ADAMTSL1: variants seen among roughly 807,000 people sequenced by gnomAD.
ADAMTSL1 encodes ADAMTS-like protein 1.
Under a neutral mutation model 201.8 loss-of-function variants are expected in ADAMTSL1, and 126 were observed. The observed-to-expected ratio is 0.62, with a 90% CI of 0.54 to 0.72. The LOEUF is 0.72. Ranked by LOEUF, ADAMTSL1 falls within the 30% of genes least tolerant of loss-of-function variation. ADAMTSL1 has a pLI of 0.00. For synonymous variants in ADAMTSL1, 1,121 were observed against 903.4 expected (o/e 1.24, Z -4.32); for missense variants, 2,679 against 2,277.8 (o/e 1.18, Z -3.59).
At chr9:18,810,413 G>A (rs1823428941) in intron 20 of ADAMTSL1, among the ~76,000 whole-genome samples, 1 of 152,072 alleles carries the variant, frequency 6.6e-6, no homozygotes, top group African/African-American at 2.4e-5. Flanking sequence ...TGAGGCTGTG[G>A]GACGGTACAA....
At chr9:17,925,970 C>G (rs1826510764) in intron 1 of ADAMTSL1, among the ~76,000 whole-genome samples, 1 of 152,072 alleles carries the variant, frequency 6.6e-6, no homozygotes, top group Non-Finnish European at 1.5e-5. Flanking sequence ...ATTGTTGCTA[C>G]ATTCTTGGAG....
At chr9:18,181,873 A>C (rs1375497338) in intron 2 of ADAMTSL1, among the ~76,000 whole-genome samples, 1 of 152,170 alleles carries the variant, frequency 6.6e-6, no homozygotes, top group Non-Finnish European at 1.5e-5. Flanking sequence ...AATAGCAAAG[A>C]CTTGGAGCCA....
At chr9:18,839,447 G>C (rs1310918742) in intron 23 of ADAMTSL1, among the ~76,000 whole-genome samples, 1 of 152,096 alleles carries the variant, frequency 6.6e-6, no homozygotes, top group Non-Finnish European at 1.5e-5. Context: ...TGGACATGTG[G>C]CTTGGTTCCA....
At chr9:18,273,208 T>C (rs1244883522) in intron 2 of ADAMTSL1, among the ~76,000 whole-genome samples, 3 of 152,176 alleles carry the variant, frequency 2.0e-5, no homozygotes, top group Non-Finnish European at 4.4e-5. Context: ...GCCTCCCAAG[T>C]AGCAGGGACT....
chr9:18,605,898 A>C (rs2132568706), intron 4 of ADAMTSL1, among the ~76,000 whole-genome samples: 1 of 152,298 alleles, frequency 6.6e-6, no homozygotes, highest in Admixed American at 6.5e-5. Flanking sequence ...GGGTGGTGGA[A>C]GCAGAGGTAG....
At chr9:18,812,161 AC>A (rs1823544974) in intron 20 of ADAMTSL1, among the ~76,000 whole-genome samples, 1 of 152,218 alleles carries the variant, frequency 6.6e-6, no homozygotes, top group African/African-American at 2.4e-5. Flanking sequence ...TAATCAGCCA[AC>A]CTAATTTCAG....
At chr9:18,477,151 T>G (rs1012484451) in intron 1 of ADAMTSL1, among the ~76,000 whole-genome samples, 4 of 152,224 alleles carry the variant, frequency 2.6e-5, no homozygotes, top group African/African-American at 9.6e-5. Context: ...TTGTCCCAAT[T>G]GTTTAGCTCA....
At chr9:18,095,175 C>T (rs1824191411) in intron 1 of ADAMTSL1, among the ~76,000 whole-genome samples, 1 of 151,972 alleles carries the variant, frequency 6.6e-6, no homozygotes. Flanking sequence ...AACAAGATGC[C>T]CAGGGGAAGT....
At chr9:18,697,105 A>G (rs1831606940) in intron 13 of ADAMTSL1, among the ~76,000 whole-genome samples, 1 of 151,562 alleles carries the variant, frequency 6.6e-6, no homozygotes, top group Non-Finnish European at 1.5e-5. Flanking sequence ...GATGGTCTTC[A>G]TCTCTTGACC....
rs140653596 is a variant in ADAMTSL1 at position 18,658,652 on chromosome 9, AT to A, written c.946+906del. Among the ~76,000 whole-genome samples the A allele has an allele frequency of 7.8e-3, 1,195 of 152,262 alleles. 12 individuals are homozygous for A. The highest frequency in any genetic ancestry group is 0.028 in the African/African-American group (1,149 of 41,540). On this transcript the variant is annotated intron_variant, in intron 8 of 28. Coordinates refer to ENST00000380548, the MANE Select transcript of ADAMTSL1 (RefSeq NM_001040272.6). ...CCATCATATTTGTAACACGAACAGCATTTTGTGTTACTAGAAAAGGCTTTTG... is the reference window on the plus strand; with the variant it reads ...CCATCATATTTGTAACACGAACAGCATTTGTGTTACTAGAAAAGGCTTTTG...
chr9:18,377,100 T>C (rs1237613616), intron 2 of ADAMTSL1, among the ~76,000 whole-genome samples: 2 of 152,182 alleles, frequency 1.3e-5, no homozygotes, highest in African/African-American at 2.4e-5. Flanking sequence ...TTTATGAATA[T>C]AGACTGAGAA....
At chr9:18,804,219 T>C (rs1414179378) in intron 20 of ADAMTSL1, among the ~76,000 whole-genome samples, 2 of 152,174 alleles carry the variant, frequency 1.3e-5, no homozygotes, top group African/African-American at 4.8e-5. Context: ...AAATTGACTC[T>C]GTTGTATTTT....
chr9:18,857,030 C>A (rs1826900778), intron 23 of ADAMTSL1, among the ~76,000 whole-genome samples: 1 of 152,160 alleles, frequency 6.6e-6, no homozygotes, highest in Admixed American at 6.6e-5. Flanking sequence ...CCTGAGGTCT[C>A]AGTGGATAGA....
At chr9:18,826,201 C>G in intron 21 of ADAMTSL1, 83 bp from the exon 22 acceptor site, 1 of 1,509,774 alleles carries the variant, frequency 6.6e-7, no homozygotes, top group Non-Finnish European at 9.0e-7. Context: ...AAGGGGGATT[C>G]AAGAAGCTAT....
chr9:18,028,084 T>C (rs1373720884), intron 1 of ADAMTSL1, among the ~76,000 whole-genome samples: 2 of 152,142 alleles, frequency 1.3e-5, no homozygotes, highest in Non-Finnish European at 2.9e-5. Context: ...TCCTTTACTT[T>C]GAGCCTATGG....
chr9:18,056,176 CCTT>C (rs1445555762), intron 1 of ADAMTSL1, among the ~76,000 whole-genome samples: 1 of 150,872 alleles, frequency 6.6e-6, no homozygotes, highest in Non-Finnish European at 1.5e-5. Context: ...TTTCCTCTGC[CCTT>C]CTCCTCAAAT....
chr9:18,025,165 T>C (rs78683738), intron 1 of ADAMTSL1, among the ~76,000 whole-genome samples: 4,516 of 152,264 alleles, frequency 0.03, 103 homozygotes, highest in African/African-American at 0.068. Flanking sequence ...TATTAGACCT[T>C]TGTCAGATGC....
intron 2 of ADAMTSL1, among the ~76,000 whole-genome samples, chr9:18,180,854 C>G (rs1329284079): frequency 6.6e-6 from 1 of 152,150 alleles, no homozygotes; most frequent in Non-Finnish European, 1.5e-5. Flanking sequence ...AAGAACAAAG[C>G]TGGAGGCATC....
intron 2 of ADAMTSL1, among the ~76,000 whole-genome samples, chr9:18,176,136 C>T (rs1828143844): frequency 6.6e-6 from 1 of 151,134 alleles, no homozygotes; most frequent in Non-Finnish European, 1.5e-5. Flanking sequence ...AGAATGTTGT[C>T]AATTTGTTGT....
Sources: gnomAD v4.1 joint callset for allele counts (sites outside exome capture counted in the v4.1 genomes callset) on GRCh38, gnomAD v4.1.1 for gene constraint, MANE v1.5 for transcripts, NCBI Gene and HGNC (gene_info 2026-07-23, HGNC 2026-07-21) for gene names.